Variants in PC observed in about 807,000 individuals in gnomAD.
The protein encoded by PC is pyruvate carboxylase.
A neutral mutation model predicts 107.8 loss-of-function variants in PC; 46 were observed. That is an observed-to-expected ratio of 0.43 (90% CI 0.34 to 0.55). The LOEUF (loss-of-function observed/expected upper bound fraction) is 0.55. PC is among the 20% of genes least tolerant of loss of function. PC has a pLI of 0.04. For missense variants in PC, 1,241 were observed against 1,643.1 expected (o/e 0.76, Z 4.23); for synonymous variants, 662 against 684.7 (o/e 0.97, Z 0.52).
chr11:66,921,025 CAA>C (rs529029813), intron 3 of PC, among the ~76,000 whole-genome samples: 24 of 104,024 alleles, frequency 2.3e-4, no homozygotes, highest in Non-Finnish European at 1.7e-4. Flanking sequence ...GACTCCGTCT[CAA>C]AAAAAAAAAA....
chr11:66,850,066 C>G lies in PC; in HGVS notation c.2769G>C (p.Gln923His). The G allele has an allele frequency of 6.2e-7, 1 of 1,613,746 alleles. No individual in the cohort carries two copies. Among genetic ancestry groups the G allele is most frequent in the Non-Finnish European group, 8.5e-7 (1 of 1,180,050 alleles). ...CGGCCTCTGCCCGGCTCAATCCATT[C>G]TGCACCATAAACTGGGCCAGGTCCC... Reference protein sequence around the residue: ...IVGDLAQFMVQNGLSRAEAEA... With the variant: ...IVGDLAQFMVHNGLSRAEAEA... The change falls in exon 20 of 23, where the codon CAG (glutamine) becomes CAC (histidine). Residue 923 changes from glutamine (Q) to histidine (H), a missense_variant. Gln to His is a conservative substitution (Grantham distance 24, BLOSUM62 0). Transcript: ENST00000393960.
intron 3 of PC, among the ~76,000 whole-genome samples, chr11:66,876,835 T>C (rs141566843): frequency 1.8e-3 from 269 of 152,066 alleles, no homozygotes; most frequent in African/African-American, 6.3e-3. Context: ...AGTTACCACA[T>C]AGGGCAAAGT....
intron 3 of PC, among the ~76,000 whole-genome samples, chr11:66,925,968 T>C (rs1396772699): frequency 6.6e-6 from 1 of 150,672 alleles, no homozygotes; most frequent in Admixed American, 6.6e-5. Flanking sequence ...CATCGTAGGC[T>C]ACTGTCTAGC....
intron 3 of PC, among the ~76,000 whole-genome samples, chr11:66,892,950 G>C (rs1009985747): frequency 6.6e-6 from 1 of 152,120 alleles, no homozygotes; most frequent in Non-Finnish European, 1.5e-5. Flanking sequence ...GTGGAGGGGA[G>C]GCAGAGAAGG....
At chr11:66,872,993 C>T (rs899574600) in intron 3 of PC, among the ~76,000 whole-genome samples, 2 of 149,248 alleles carry the variant, frequency 1.3e-5, no homozygotes, top group Non-Finnish European at 3.0e-5. Flanking sequence ...GCTGAGATTG[C>T]GCCACTGCCC....
intron 3 of PC, among the ~76,000 whole-genome samples, chr11:66,898,275 C>T (rs189827098): frequency 9.5e-4 from 144 of 152,308 alleles, no homozygotes; most frequent in Admixed American, 6.8e-3. Context: ...AAAGTTTCCT[C>T]ATTAAATCAC....
chr11:66,894,158 A>G (rs1016282664), intron 3 of PC, among the ~76,000 whole-genome samples: 1 of 152,026 alleles, frequency 6.6e-6, no homozygotes, highest in African/African-American at 2.4e-5. Flanking sequence ...AAGTGGGGTA[A>G]TTCTCTGACT....
At chr11:66,889,304 G>A (rs1370528868) in intron 3 of PC, among the ~76,000 whole-genome samples, 1 of 151,934 alleles carries the variant, frequency 6.6e-6, no homozygotes, top group Non-Finnish European at 1.5e-5. Flanking sequence ...CATGGGGAGG[G>A]CAGTGGGACA....
intron 3 of PC, among the ~76,000 whole-genome samples, chr11:66,907,245 C>T (rs935357932): frequency 2.6e-5 from 4 of 152,182 alleles, no homozygotes; most frequent in South Asian, 2.1e-4. Flanking sequence ...AACCTGTTCT[C>T]GGCCAGGAAC....
At position 66,857,949 on chromosome 11, in the gene PC, C is replaced by T; in HGVS notation, c.1369-4566G>A. On this transcript the variant is annotated intron_variant, in intron 12 of 22. Transcript: ENST00000393960. This position sits in a 1 kb window ranked among gnomAD's most constrained non-coding sequence, Gnocchi z 7.1. Reference sequence around the variant, plus strand: ...CCAGGCCCTGGGGCCCCCTGACTTCCGCAACATGACGGGACTGGTGGACCT... The same window carrying T: ...CCAGGCCCTGGGGCCCCCTGACTTCTGCAACATGACGGGACTGGTGGACCT... 2.5e-6 allele frequency: 4 copies of T among 1,612,542 alleles called. No homozygotes were observed. Among genetic ancestry groups the T allele is most frequent in the Non-Finnish European group, 3.4e-6 (4 of 1,179,940 alleles).
chr11:66,856,214 G>A (rs1232024241), intron 12 of PC, among the ~76,000 whole-genome samples: 2 of 152,274 alleles, frequency 1.3e-5, no homozygotes, highest in Non-Finnish European at 2.9e-5. Context: ...ATGGCCCGGC[G>A]GCGACAGAGC....
chr11:66,869,061 GTT>G, intron 9 of PC, 97 bp from the exon 10 acceptor site: 2 of 949,056 alleles, frequency 2.1e-6, no homozygotes, highest in Non-Finnish European at 3.3e-6. Context: ...CATTGGGTTG[GTT>G]CCGTAAAAGA....
intron 3 of PC, among the ~76,000 whole-genome samples, chr11:66,881,461 A>G (rs1342422084): frequency 6.6e-6 from 1 of 152,212 alleles, no homozygotes; most frequent in East Asian, 1.9e-4. Flanking sequence ...CTTCAGATCA[A>G]TAACTCAGCA....
chr11:66,921,149 C>A (rs911289078), intron 3 of PC, among the ~76,000 whole-genome samples: 16 of 152,314 alleles, frequency 1.1e-4, no homozygotes, highest in African/African-American at 3.6e-4. Context: ...TGCCAGTTCC[C>A]TTGGAGTCGT....
chr11:66,948,012 A>AAGACAGATAGAT (rs529359165), intron 3 of PC, among the ~76,000 whole-genome samples: 2 of 134,692 alleles, frequency 1.5e-5, no homozygotes, highest in African/African-American at 5.6e-5. Context: ...ATCTCTACTA[A>AAGACAGATAGAT]AGATAGATAG....
At chr11:66,864,449 C>G (rs958067150) in intron 11 of PC, among the ~76,000 whole-genome samples, 4 of 152,228 alleles carry the variant, frequency 2.6e-5, no homozygotes, top group African/African-American at 9.6e-5. Context: ...GGACCATGTG[C>G]GAGGCAAGAG....
chr11:66,858,324 C>G lies in PC; in HGVS notation c.1369-4941G>C. On this transcript the variant is annotated intron_variant, in intron 12 of 22. Coordinates refer to ENST00000393960, the MANE Select transcript of PC (RefSeq NM_001040716.2). This position sits in a 1 kb window ranked among gnomAD's most constrained non-coding sequence, Gnocchi z 5.9. Reference sequence around the variant, plus strand: ...CCCAGGCGCCTTCGCCCAGCTCGGTCAGCTCTCCCGCCTGGACCTCACCTC... The same window carrying G: ...CCCAGGCGCCTTCGCCCAGCTCGGTGAGCTCTCCCGCCTGGACCTCACCTC... The G allele has an allele frequency of 3.1e-6, 5 of 1,607,164 alleles. No homozygotes were observed. The highest frequency in any genetic ancestry group is 2.2e-5 in the South Asian group (2 of 90,902).
chr11:66,864,882 C>T (rs776191454), intron 11 of PC, among the ~76,000 whole-genome samples: 23 of 151,900 alleles, frequency 1.5e-4, no homozygotes, highest in Admixed American at 1.3e-4. Context: ...GTGGGGGGAC[C>T]GCCCAGAGGG....
At position 66,857,579 on chromosome 11, in the gene PC, C is replaced by T; in HGVS notation, c.1369-4196G>A. On this transcript the variant is annotated intron_variant, in intron 12 of 22. Transcript: ENST00000393960. This position sits in a 1 kb window ranked among gnomAD's most constrained non-coding sequence, Gnocchi z 7.1. Reference sequence around the variant, plus strand: ...GCTCTGGGGGGCCTGGCCCTGCAGGCCCCAACCTTCCCTCATCTCTGGCGG... The same window carrying T: ...GCTCTGGGGGGCCTGGCCCTGCAGGTCCCAACCTTCCCTCATCTCTGGCGG... The T allele has an allele frequency of 1.4e-6, 1 of 702,000 alleles. No homozygotes were observed. Among genetic ancestry groups the T allele is most frequent in the Non-Finnish European group, 2.3e-6 (1 of 432,584 alleles). 43.5% of individuals were successfully genotyped at this position (702,000 alleles called of 1,614,324 possible).
Sources: allele counts gnomAD v4.1 joint callset (sites outside exome capture counted in the v4.1 genomes callset), GRCh38; gene constraint gnomAD v4.1.1; non-coding constraint Gnocchi (gnomAD v3.1); transcripts MANE v1.5; gene names NCBI Gene and HGNC (gene_info 2026-07-23, HGNC 2026-07-21).